Variants in ASB3 observed in about 807,000 individuals in gnomAD.
ASB3 encodes the protein ankyrin repeat and SOCS box protein 3.
ASB3 carries 41 observed loss-of-function variants against 54.5 expected under a neutral mutation model. The observed-to-expected ratio is 0.75, with a 90% confidence interval of 0.59 to 0.98. ASB3 has a LOEUF of 0.98. Among genes scored for constraint, ASB3 ranks in the 50% least tolerant of loss-of-function variants. The pLI, the probability that ASB3 is intolerant of heterozygous loss-of-function variation, is 0.00. For missense variants in ASB3, 733 were observed against 620.0 expected, an observed-to-expected ratio of 1.18 and a Z score of -1.94; for synonymous variants, 266 against 221.2, an observed-to-expected ratio of 1.20 and a Z score of -1.80.
chr2:53,764,028 G>GA, intron 2 of ASB3, among the ~76,000 whole-genome samples: 1 of 151,678 alleles, frequency 6.6e-6, no homozygotes, highest in African/African-American at 2.4e-5. Context: ...ACAAAAAAAA[G>GA]AAAAAAACAA....
At chr2:53,706,486 G>A (rs1669778217) in intron 7 of ASB3, among the ~76,000 whole-genome samples, 6 of 151,924 alleles carry the variant, frequency 3.9e-5, no homozygotes, top group Admixed American at 3.9e-4. Context: ...TGTTGCCCAG[G>A]ATGGAGTGGA....
chr2:53,681,232 C>T (rs1011622845), intron 9 of ASB3, among the ~76,000 whole-genome samples: 3 of 152,140 alleles, frequency 2.0e-5, no homozygotes, highest in Non-Finnish European at 4.4e-5. Flanking sequence ...TGGGTATATA[C>T]CCAGCAGTGG....
intron 3 of ASB3, among the ~76,000 whole-genome samples, chr2:53,737,572 C>T (rs909488099): frequency 6.6e-6 from 1 of 152,024 alleles, no homozygotes; most frequent in Non-Finnish European, 1.5e-5. Flanking sequence ...ACTGAGGGGC[C>T]ATGGAACTCC....
chr2:53,782,332 C>A (rs1674696428), intron 1 of ASB3, among the ~76,000 whole-genome samples: 1 of 152,096 alleles, frequency 6.6e-6, no homozygotes, highest in East Asian at 1.9e-4. Context: ...GAGGATTAAG[C>A]CAGTGCAGAG....
chr2:53,694,239 G>A, intron 8 of ASB3: 1 of 425,016 alleles, frequency 2.4e-6, no homozygotes, highest in Admixed American at 4.1e-5. Flanking sequence ...CTGTCTAAGA[G>A]ATGACAAGAG....
At chr2:53,721,676 C>A (rs1670721112) in intron 5 of ASB3, among the ~76,000 whole-genome samples, 1 of 151,940 alleles carries the variant, frequency 6.6e-6, no homozygotes, top group Non-Finnish European at 1.5e-5. Flanking sequence ...AAAACAGACA[C>A]AGAACATATT....
At position 53,700,397 on chromosome 2, in the gene ASB3, A is replaced by G. The variant is rs1669420708; in HGVS notation, c.1112T>C (p.Leu371Ser). 1.2e-6 allele frequency: 2 copies of G among 1,614,114 alleles called. No individual in the cohort carries two copies. The highest frequency in any genetic ancestry group is 1.7e-6 in the Non-Finnish European group (2 of 1,180,006). The change falls in exon 8 of 10, where the codon TTG becomes TCG. Residue 371 changes from leucine (L) to serine (S), a missense_variant. Transcript: ENST00000263634. ...TTCATATATATGGTTCCATGGTCCC[A>G]ATGAGCAACCTTTCCTCAAAAAGTA... ...FRYFLRKGCS[L>S]GPWNHIYEFV...
At chr2:53,718,550 T>C (rs1344043573) in intron 5 of ASB3, among the ~76,000 whole-genome samples, 1 of 152,134 alleles carries the variant, frequency 6.6e-6, no homozygotes, top group Non-Finnish European at 1.5e-5. Flanking sequence ...ACAACACTGA[T>C]ACCACAAAAA....
chr2:53,781,703 C>G (rs1280098520), intron 1 of ASB3, among the ~76,000 whole-genome samples: 1 of 152,176 alleles, frequency 6.6e-6, no homozygotes, highest in Non-Finnish European at 1.5e-5. Context: ...CCAGGTTGGT[C>G]AGGCTGGTCT....
chr2:53,735,998 T>TAAAAAA (rs201138986), intron 3 of ASB3, among the ~76,000 whole-genome samples: 1 of 96,236 alleles, frequency 1.0e-5, no homozygotes, highest in Non-Finnish European at 2.3e-5. Context: ...ACAAACCTTC[T>TAAAAAA]AAAAAAAAAA....
chr2:53,781,582 GC>G (rs997699319), intron 1 of ASB3, among the ~76,000 whole-genome samples: 10 of 151,952 alleles, frequency 6.6e-5, no homozygotes, highest in Admixed American at 1.3e-4. Context: ...CACAATGTCT[GC>G]CTCCCAGGTT....
chr2:53,691,867 C>A (rs145676465), intron 9 of ASB3, among the ~76,000 whole-genome samples: 3 of 152,248 alleles, frequency 2.0e-5, no homozygotes, highest in Non-Finnish European at 4.4e-5. Context: ...CCCTGAGAGA[C>A]CAATGTAAGC....
At chr2:53,784,966 C>T (rs1674855972) in intron 1 of ASB3, among the ~76,000 whole-genome samples, 1 of 152,214 alleles carries the variant, frequency 6.6e-6, no homozygotes, top group Non-Finnish European at 1.5e-5. Flanking sequence ...GCCTACAGAG[C>T]TGTCTCCCTG....
At chr2:53,722,176 TA>T (rs751059931) in intron 5 of ASB3, among the ~76,000 whole-genome samples, 266 of 126,120 alleles carry the variant, frequency 2.1e-3, no homozygotes, top group Admixed American at 4.5e-3. Context: ...GAATCCATAA[TA>T]AAAAAAAAAA....
chr2:53,726,406 G>A (rs1376731704), intron 5 of ASB3, among the ~76,000 whole-genome samples: 1 of 149,600 alleles, frequency 6.7e-6, no homozygotes, highest in Non-Finnish European at 1.5e-5. Flanking sequence ...GACTACAGGC[G>A]CACACCACTA....
At chr2:53,673,081 G>A (rs1412218696) in intron 9 of ASB3, among the ~76,000 whole-genome samples, 3 of 150,974 alleles carry the variant, frequency 2.0e-5, no homozygotes, top group African/African-American at 7.2e-5. Context: ...GAGTGTAGCT[G>A]GCCAGCTGCA....
chr2:53,688,256 T>G (rs1197283020), intron 9 of ASB3, among the ~76,000 whole-genome samples: 4 of 152,228 alleles, frequency 2.6e-5, no homozygotes, highest in Non-Finnish European at 4.4e-5. Flanking sequence ...AACACAGGTT[T>G]ACTTCTTGCT....
intron 7 of ASB3, among the ~76,000 whole-genome samples, chr2:53,709,758 C>A (rs1359183435): frequency 6.6e-6 from 1 of 152,118 alleles, no homozygotes; most frequent in Non-Finnish European, 1.5e-5. Context: ...CCCAATCATC[C>A]TTTCCTCCTC....
chr2:53,710,567 G>T (rs557835421), intron 7 of ASB3, among the ~76,000 whole-genome samples: 102 of 152,256 alleles, frequency 6.7e-4, no homozygotes, highest in African/African-American at 2.2e-3. Context: ...TTGTCTCCTG[G>T]ACATTGTGAA....
Sources: allele counts gnomAD v4.1 joint callset (sites outside exome capture counted in the v4.1 genomes callset), GRCh38; gene constraint gnomAD v4.1.1; transcripts MANE v1.5; gene names NCBI Gene and HGNC (gene_info 2026-07-23, HGNC 2026-07-21).